The following UST variants were observed in gnomAD, a reference collection of about 807,000 sequenced individuals.
UST encodes uronyl 2-sulfotransferase, also known as chondroitin sulfate 2-O-sulfotransferase.
In UST, 21 loss-of-function variants were observed where a neutral mutation model predicts 45.6. That is an observed-to-expected ratio of 0.46 (90% CI 0.33 to 0.66). The LOEUF (loss-of-function observed/expected upper bound fraction) is 0.66, where lower values mean the gene tolerates loss of function less well. Among genes scored for constraint, UST ranks in the 30% least tolerant of loss-of-function variants. UST has a pLI of 0.02. For missense variants in UST, 463 were observed against 512.4 expected (o/e 0.90, Z 0.93); for synonymous variants, 215 against 200.6 (o/e 1.07, Z -0.61).
In UST at chr6:148,782,129, G is replaced by A. The variant is rs150596240; in HGVS notation, c.247+34452G>A. Among the ~76,000 whole-genome samples, 1,238 of 152,274 alleles carry A rather than the reference G, an allele frequency of 8.1e-3. 19 individuals are homozygous for A. Among genetic ancestry groups the A allele is most frequent in the African/African-American group, 0.028 (1,179 of 41,554 alleles). On this transcript the variant is annotated intron_variant, in intron 1 of 7. Coordinates refer to ENST00000367463, the MANE Select transcript of UST (RefSeq NM_005715.3). Reference sequence around the variant, plus strand: ...ACTCAGCTCTGTCACCCAGGCTGGAGTTTTTATAAGGATATAGCTGCCATG... The same window carrying A: ...ACTCAGCTCTGTCACCCAGGCTGGAATTTTTATAAGGATATAGCTGCCATG...
At chr6:148,773,328 G>A (rs913232304) in intron 1 of UST, among the ~76,000 whole-genome samples, 1 of 152,076 alleles carries the variant, frequency 6.6e-6, no homozygotes, top group Non-Finnish European at 1.5e-5. Context: ...GGCTGTGGTG[G>A]CAGATGCCTT....
intron 5 of UST, among the ~76,000 whole-genome samples, chr6:148,980,507 G>C (rs569035269): frequency 3.1e-4 from 47 of 152,248 alleles, no homozygotes; most frequent in African/African-American, 1.1e-3. Context: ...TAAGAAGCTT[G>C]GTGACTTTTG....
intron 7 of UST, among the ~76,000 whole-genome samples, chr6:149,068,652 TA>T (rs1776776220): frequency 2.0e-5 from 3 of 152,348 alleles, no homozygotes; most frequent in East Asian, 1.9e-4. Context: ...ATATGTATGA[TA>T]TTTTTTTCCA....
At position 149,019,139 on chromosome 6, in the gene UST, G is replaced by T. The variant is rs1775945217; in HGVS notation, c.682G>T (p.Asp228Tyr). ...CTGACTGCTGTATTTTCTCTTCTAG[G>T]ATATCAATGAGTGTATTCTTGAAAA... ...PSMRQEERYL[D>Y]INECILENYP... Residue 228 changes from aspartate to tyrosine, a missense_variant and splice_region_variant, in exon 6 of 8, where the codon GAT (aspartate) becomes TAT (tyrosine). Around this residue, in one of 2 missense-constraint regions of UST, gnomAD observed 287 missense variants for 374.2 expected, o/e 0.77. Transcript: ENST00000367463. 5.0e-6 allele frequency: 8 copies of T among 1,608,748 alleles called. No individual in the cohort carries two copies. Among genetic ancestry groups the T allele is most frequent in the Non-Finnish European group, 6.8e-6 (8 of 1,175,232 alleles).
intron 1 of UST, among the ~76,000 whole-genome samples, chr6:148,767,033 G>A (rs916354087): frequency 2.0e-5 from 3 of 152,228 alleles, no homozygotes; most frequent in Non-Finnish European, 4.4e-5. Context: ...AGATCCTGAT[G>A]TAGCAGGTCT....
At chr6:148,785,478 T>A (rs1776717616) in intron 1 of UST, among the ~76,000 whole-genome samples, 1 of 152,216 alleles carries the variant, frequency 6.6e-6, no homozygotes, top group Admixed American at 6.5e-5. Flanking sequence ...AAAATTGCTT[T>A]ATAAAGACTA....
chr6:149,025,559 G>C (rs1776038154), intron 7 of UST, among the ~76,000 whole-genome samples: 1 of 152,144 alleles, frequency 6.6e-6, no homozygotes, highest in Non-Finnish European at 1.5e-5. Flanking sequence ...TTGAATTAGG[G>C]AGCACCAAGG....
chr6:148,878,742 C>T (rs1341577988), intron 1 of UST, among the ~76,000 whole-genome samples: 2 of 107,998 alleles, frequency 1.9e-5, no homozygotes, highest in Admixed American at 1.0e-4. Flanking sequence ...ATGTATGAGT[C>T]GGGGGTTCAG....
chr6:149,042,240 T>C (rs529160235), intron 7 of UST, among the ~76,000 whole-genome samples: 1 of 152,356 alleles, frequency 6.6e-6, no homozygotes, highest in Non-Finnish European at 1.5e-5. Flanking sequence ...CTTTTTACTA[T>C]ACATGTACTG....
intron 5 of UST, among the ~76,000 whole-genome samples, chr6:149,002,044 C>T (rs936946452): frequency 1.3e-5 from 2 of 151,926 alleles, no homozygotes; most frequent in Non-Finnish European, 2.9e-5. Flanking sequence ...TTTTAAAATT[C>T]TTTGCCCTTC....
intron 2 of UST, among the ~76,000 whole-genome samples, chr6:148,900,434 C>T (rs1252440507): frequency 6.6e-6 from 1 of 152,142 alleles, no homozygotes; most frequent in Non-Finnish European, 1.5e-5. Context: ...TTGCTATTCT[C>T]GTGATAGTAA....
chr6:148,860,159 CTT>C, intron 1 of UST, among the ~76,000 whole-genome samples: 1 of 152,304 alleles, frequency 6.6e-6, no homozygotes, highest in Non-Finnish European at 1.5e-5. Context: ...TTTGTGTCCT[CTT>C]TTATTTCTTT....
At chr6:149,012,743 T>C (rs569461567) in intron 5 of UST, among the ~76,000 whole-genome samples, 1 of 151,924 alleles carries the variant, frequency 6.6e-6, no homozygotes, top group African/African-American at 2.4e-5. Flanking sequence ...CATAGCACAT[T>C]ACATGTTTCT....
At chr6:148,888,309 T>C (rs948408574) in intron 2 of UST, among the ~76,000 whole-genome samples, 1 of 152,138 alleles carries the variant, frequency 6.6e-6, no homozygotes, top group South Asian at 2.1e-4. Context: ...TCCACCCTCA[T>C]GATCCAGTCA....
intron 7 of UST, among the ~76,000 whole-genome samples, chr6:149,050,716 A>G (rs1402566748): frequency 6.6e-6 from 1 of 152,248 alleles, no homozygotes; most frequent in Non-Finnish European, 1.5e-5. Context: ...CATATTAGCC[A>G]AAACCATCAT....
chr6:149,028,626 TC>T (rs1776087408), intron 7 of UST, among the ~76,000 whole-genome samples: 1 of 152,224 alleles, frequency 6.6e-6, no homozygotes, highest in Admixed American at 6.5e-5. Flanking sequence ...ACAATTATAT[TC>T]CAGTCAATAG....
intron 7 of UST, among the ~76,000 whole-genome samples, chr6:149,060,073 T>C (rs1776630742): frequency 6.6e-6 from 1 of 152,198 alleles, no homozygotes; most frequent in African/African-American, 2.4e-5. Flanking sequence ...CCCTTCATTC[T>C]CTTTCATCAA....
intron 7 of UST, among the ~76,000 whole-genome samples, chr6:149,055,042 C>T (rs1457746203): frequency 6.6e-6 from 1 of 152,044 alleles, no homozygotes; most frequent in Non-Finnish European, 1.5e-5. Context: ...ATCCTTTACA[C>T]TTCGAGCTGA....
At chr6:148,895,935 T>A (rs1330464083) in intron 2 of UST, among the ~76,000 whole-genome samples, 1 of 152,260 alleles carries the variant, frequency 6.6e-6, no homozygotes, top group African/African-American at 2.4e-5. Flanking sequence ...ATAACTTCTT[T>A]AGATTTAGAG....
Sources: allele counts gnomAD v4.1 joint callset (sites outside exome capture counted in the v4.1 genomes callset), GRCh38; gene constraint gnomAD v4.1.1; regional missense constraint gnomAD v4.1.1; transcripts MANE v1.5; gene names NCBI Gene and HGNC (gene_info 2026-07-23, HGNC 2026-07-21).